Variants in SOX5 observed in about 807,000 individuals in gnomAD.
SOX5 encodes the protein SRY-box transcription factor 5.
In SOX5, 9 loss-of-function variants were observed where a neutral mutation model predicts 92.0. That is an observed-to-expected ratio of 0.10 (90% CI 0.06 to 0.17). SOX5 has a LOEUF of 0.17. SOX5 is among the 10% of genes least tolerant of loss of function. The probability of loss-of-function intolerance (pLI) is 1.00; values close to 1 mark genes in which losing one functional copy is unlikely to be tolerated. For missense variants in SOX5, 642 were observed against 944.5 expected (o/e 0.68, Z 4.20); for synonymous variants, 344 against 336.3 (o/e 1.02, Z -0.25).
intron 4 of SOX5, among the ~76,000 whole-genome samples, chr12:24,114,573 C>CAAAAAAAAAAAAAAAAAAAAAAAA (rs55913110): frequency 3.2e-4 from 13 of 40,596 alleles, no homozygotes; most frequent in South Asian, 1.5e-3. Context: ...CACCCCGTCA[C>CAAAAAAAAAAAAAAAAAAAAAAAA]AAAAAAAAAA....
At chr12:24,376,339 C>G (rs1471607952) in intron 1 of SOX5, among the ~76,000 whole-genome samples, 1 of 152,198 alleles carries the variant, frequency 6.6e-6, no homozygotes, top group Non-Finnish European at 1.5e-5. Context: ...GGATGAGCCA[C>G]TTGATCTTTC....
At chr12:24,059,143 A>ATG (rs1569528091) in intron 4 of SOX5, among the ~76,000 whole-genome samples, 32 of 152,046 alleles carry the variant, frequency 2.1e-4, no homozygotes, top group African/African-American at 7.0e-4. Flanking sequence ...CTGTATGCAT[A>ATG]TTACATTTTA....
At chr12:24,109,853 G>A (rs1035235821) in intron 4 of SOX5, among the ~76,000 whole-genome samples, 1 of 152,148 alleles carries the variant, frequency 6.6e-6, no homozygotes, top group African/African-American at 2.4e-5. Context: ...TACAGTCCAT[G>A]TCCTAGTTTC....
intron 4 of SOX5, among the ~76,000 whole-genome samples, chr12:24,087,164 GTCTCTC>G (rs140332802): frequency 6.6e-6 from 1 of 151,440 alleles, no homozygotes; most frequent in African/African-American, 2.4e-5. Flanking sequence ...TGTGTTCTCT[GTCTCTC>G]TCTCTCTCTT....
At chr12:23,922,223 TC>T (rs1938507443) in intron 1 of SOX5, among the ~76,000 whole-genome samples, 1 of 151,992 alleles carries the variant, frequency 6.6e-6, no homozygotes. Flanking sequence ...CAATACAGCT[TC>T]CTGTTCAGTC....
chr12:24,030,314 A>C (rs1440933931), intron 4 of SOX5, among the ~76,000 whole-genome samples: 1 of 151,982 alleles, frequency 6.6e-6, no homozygotes, highest in East Asian at 1.9e-4. Context: ...AGTTATAGTA[A>C]TCAAAATAGC....
chr12:24,478,479 C>T (rs1945624934), intron 1 of SOX5, among the ~76,000 whole-genome samples: 1 of 152,142 alleles, frequency 6.6e-6, no homozygotes, highest in Non-Finnish European at 1.5e-5. Flanking sequence ...GTATTCTTTT[C>T]CACCTACTTA....
At chr12:23,987,836 T>C (rs1332767094) in intron 4 of SOX5, among the ~76,000 whole-genome samples, 2 of 151,928 alleles carry the variant, frequency 1.3e-5, no homozygotes, top group African/African-American at 2.4e-5. Flanking sequence ...CATGGTAAAA[T>C]AGATGATGGG....
intron 1 of SOX5, among the ~76,000 whole-genome samples, chr12:23,917,301 G>A (rs564795890): frequency 1.3e-5 from 2 of 152,250 alleles, no homozygotes; most frequent in Admixed American, 1.3e-4. Flanking sequence ...AGCACTTTGG[G>A]AGGCTGAGGC....
intron 4 of SOX5, among the ~76,000 whole-genome samples, chr12:24,193,838 G>T (rs1400319320): frequency 6.6e-6 from 1 of 152,042 alleles, no homozygotes; most frequent in Non-Finnish European, 1.5e-5. Context: ...CTTTTTCAGA[G>T]AAAAAAGTAG....
chr12:24,347,283 C>T (rs1029001653), intron 2 of SOX5, among the ~76,000 whole-genome samples: 3 of 152,074 alleles, frequency 2.0e-5, no homozygotes, highest in Admixed American at 6.5e-5. Flanking sequence ...TAAGGGAGGA[C>T]GTGCAATACT....
intron 3 of SOX5, chr12:24,213,419 T>TAAAAAAAAAAAAAAAAAAAAGAA (rs1958863864): frequency 1.0e-5 from 1 of 96,862 alleles, no homozygotes; most frequent in African/African-American, 4.0e-5. Context: ...CTTGAAATGC[T>TAAAAAAAAAAAAAAAAAAAAGAA]AAAAAAAAAA....
At chr12:24,085,676 A>G (rs576752960) in intron 4 of SOX5, among the ~76,000 whole-genome samples, 1 of 152,166 alleles carries the variant, frequency 6.6e-6, no homozygotes, top group South Asian at 2.1e-4. Context: ...AGAGAGGGAG[A>G]TCTAGAAAGA....
At chr12:24,276,591 G>A (rs1045977091) in intron 3 of SOX5, among the ~76,000 whole-genome samples, 107 of 152,218 alleles carry the variant, frequency 7.0e-4, no homozygotes, top group African/African-American at 2.5e-3. Flanking sequence ...CAATAAATTA[G>A]AAAAGGATTT....
intron 2 of SOX5, among the ~76,000 whole-genome samples, chr12:24,296,651 C>T (rs1370045806): frequency 2.0e-5 from 3 of 152,102 alleles, no homozygotes; most frequent in Non-Finnish European, 4.4e-5. Context: ...TCTGATAATT[C>T]AACTTTCTGA....
At position 23,787,919 on chromosome 12, in the gene SOX5, C is replaced by T. The variant is rs12427054; in HGVS notation, c.482-32195G>A. 3.8e-3 allele frequency among the ~76,000 whole-genome samples: 576 copies of T among 149,814 alleles called. 12 individuals are homozygous for T. The highest frequency in any genetic ancestry group is 0.036 in the Admixed American group (532 of 14,858). Reference sequence around the variant, plus strand: ...GTGAGAAAGTGCTCCTGCTTAGACCCGAGATGCTGCAGCAGAAGTAACAGG... The same window carrying T: ...GTGAGAAAGTGCTCCTGCTTAGACCTGAGATGCTGCAGCAGAAGTAACAGG... On this transcript the variant is annotated intron_variant, in intron 3 of 14. Coordinates refer to ENST00000451604, the MANE Select transcript of SOX5 (RefSeq NM_006940.6).
intron 9 of SOX5, among the ~76,000 whole-genome samples, chr12:23,581,897 T>C (rs192290049): frequency 1.4e-5 from 2 of 145,174 alleles, no homozygotes; most frequent in South Asian, 4.5e-4. Flanking sequence ...TGAAAAAATA[T>C]ATATATATAT....
intron 2 of SOX5, among the ~76,000 whole-genome samples, chr12:23,858,492 A>G (rs992833261): frequency 1.3e-5 from 2 of 152,228 alleles, no homozygotes; most frequent in Admixed American, 1.3e-4. Flanking sequence ...CCACAGCGAG[A>G]TACCATCTCA....
chr12:23,726,109 A>T (rs2140706868), intron 6 of SOX5, among the ~76,000 whole-genome samples: 1 of 140,508 alleles, frequency 7.1e-6, no homozygotes, highest in South Asian at 2.4e-4. Flanking sequence ...TGTTAAATAC[A>T]TACATCCCCG....
Sources: allele counts gnomAD v4.1 joint callset (sites outside exome capture counted in the v4.1 genomes callset), GRCh38; gene constraint gnomAD v4.1.1; transcripts MANE v1.5; gene names NCBI Gene and HGNC (gene_info 2026-07-23, HGNC 2026-07-21).